Variants in PTPRO observed in about 807,000 individuals in gnomAD.
PTPRO encodes receptor-type tyrosine-protein phosphatase O.
A neutral mutation model predicts 145.2 loss-of-function variants in PTPRO; 62 were observed. The ratio of observed to expected loss-of-function variants is 0.43; its 90% CI spans 0.35 to 0.53. The LOEUF (loss-of-function observed/expected upper bound fraction) is 0.53, where lower values mean the gene tolerates loss of function less well. PTPRO is among the 20% of genes least tolerant of loss of function. The probability of loss-of-function intolerance (pLI) is 0.01; values close to 1 mark genes in which losing one functional copy is unlikely to be tolerated. For missense variants in PTPRO, 1,345 were observed against 1,482.7 expected, an observed-to-expected ratio of 0.91 and a Z score of 1.53; for synonymous variants, 565 against 514.7, an observed-to-expected ratio of 1.10 and a Z score of -1.32.
In PTPRO at chr12:15,492,622, T is replaced by G. The variant is rs80198008; in HGVS notation, c.350-4623T>G. ...AAATTTTTATAAATGAAAACATAAT[T>G]ATTTAAATTAATTTAAAATTTAATG... On this transcript the variant is annotated intron_variant, in intron 2 of 26. Coordinates refer to ENST00000281171, the MANE Select transcript of PTPRO (RefSeq NM_030667.3). Among the ~76,000 whole-genome samples, 516 of 152,208 alleles carry G rather than the reference T, an allele frequency of 3.4e-3. 10 individuals carry two copies. The East Asian group carries it at 0.067, about 20-fold the overall frequency.
At chr12:15,387,631 G>A (rs1939066265) in intron 1 of PTPRO, among the ~76,000 whole-genome samples, 1 of 152,140 alleles carries the variant, frequency 6.6e-6, no homozygotes, top group African/African-American at 2.4e-5. Flanking sequence ...CCACTAGACT[G>A]TAAATTCACT....
intron 24 of PTPRO, among the ~76,000 whole-genome samples, chr12:15,589,142 G>T (rs1012538044): frequency 9.8e-5 from 15 of 152,302 alleles, no homozygotes; most frequent in African/African-American, 3.4e-4. Context: ...TCAGGAGGCC[G>T]AGGTGGGAAG....
chr12:15,584,270 G>A lies in PTPRO; in HGVS notation c.3255+2469G>A, dbSNP rs116530744. Among the ~76,000 whole-genome samples, 785 of 152,298 alleles carry A rather than the reference G, an allele frequency of 5.2e-3. 7 individuals are homozygous for A. Among genetic ancestry groups the A allele is most frequent in the African/African-American group, 0.018 (736 of 41,566 alleles). On this transcript the variant is annotated intron_variant, in intron 23 of 26. Coordinates refer to ENST00000281171, the MANE Select transcript of PTPRO (RefSeq NM_030667.3). ...CTTGTAAAGCATCAATAGACTTTCC[G>A]TCAGAGAAAATATTTGTCAATCCAA...
intron 2 of PTPRO, among the ~76,000 whole-genome samples, chr12:15,493,567 C>A (rs1042916737): frequency 3.3e-5 from 5 of 152,016 alleles, no homozygotes; most frequent in Non-Finnish European, 5.9e-5. Context: ...CATTAATCTC[C>A]ATGAGCAGGA....
intron 1 of PTPRO, among the ~76,000 whole-genome samples, chr12:15,434,188 G>T (rs1940531642): frequency 6.6e-6 from 1 of 152,174 alleles, no homozygotes; most frequent in African/African-American, 2.4e-5. Context: ...TAGCACTACT[G>T]AATAACACTT....
Position 15,398,553 on chromosome 12 carries a change from C to G in PTPRO, c.75+75752C>G, listed in dbSNP as rs181364082. Among the ~76,000 whole-genome samples, 6 of 151,956 alleles carry G rather than the reference C, an allele frequency of 3.9e-5. No homozygotes were observed. In the East Asian group the frequency reaches 9.7e-4, roughly 24 times the overall value. On this transcript the variant is annotated intron_variant, in intron 1 of 26. Transcript: ENST00000281171. ...ATTTTTACTATATGAACAATAACGCCTACCACAGAGTGTTTTGAGAATCAA... is the reference window on the plus strand; with the variant it reads ...ATTTTTACTATATGAACAATAACGCGTACCACAGAGTGTTTTGAGAATCAA...
intron 1 of PTPRO, among the ~76,000 whole-genome samples, chr12:15,383,862 T>C (rs7299930): frequency 0.049 from 7,455 of 152,236 alleles, 570 homozygotes; most frequent in African/African-American, 0.17. Context: ...CTCTATAGAA[T>C]GTAAATTTCC....
At chr12:15,349,306 G>A (rs541515498) in intron 1 of PTPRO, among the ~76,000 whole-genome samples, 15 of 152,174 alleles carry the variant, frequency 9.9e-5, no homozygotes, top group Non-Finnish European at 2.1e-4. Context: ...AGCTAAGAAG[G>A]AGTGCAATTG....
At chr12:15,341,686 G>T (rs115508733) in intron 1 of PTPRO, among the ~76,000 whole-genome samples, 1,977 of 152,286 alleles carry the variant, frequency 0.013, 43 homozygotes, top group African/African-American at 0.045. Context: ...TGGCTGGGAA[G>T]AATTCTTGAA....
rs749433233 is a variant in PTPRO, at chr12:15,322,810, G to A, written c.75+9G>A. The A allele has an allele frequency of 3.1e-6, 5 of 1,610,880 alleles. No individual in the cohort carries two copies. The highest frequency in any genetic ancestry group is 1.1e-5 in the South Asian group (1 of 90,840). On this transcript the variant is annotated intron_variant, in intron 1 of 26. Transcript: ENST00000281171. The surrounding 1 kb of genome is among the most constrained non-coding windows in gnomAD (Gnocchi z 6.3). ...TCTTTGTGCTGTTCAAGGTAGGGGA[G>A]CTCCTCCACCCCTTTTTCCCAGCGG...
At chr12:15,426,739 C>A (rs1487441221) in intron 1 of PTPRO, among the ~76,000 whole-genome samples, 1 of 151,968 alleles carries the variant, frequency 6.6e-6, no homozygotes, top group Non-Finnish European at 1.5e-5. Context: ...ACCCAAATTT[C>A]ACCTAAATGT....
chr12:15,566,552 G>A (rs368371892), intron 18 of PTPRO, among the ~76,000 whole-genome samples: 11 of 150,742 alleles, frequency 7.3e-5, no homozygotes, highest in South Asian at 2.1e-4. Context: ...ATGAAGTCTC[G>A]CTCTGTCACC....
At chr12:15,466,317 A>G (rs1415922242) in intron 1 of PTPRO, among the ~76,000 whole-genome samples, 1 of 152,186 alleles carries the variant, frequency 6.6e-6, no homozygotes, top group African/African-American at 2.4e-5. Context: ...AGAAGTAATC[A>G]TTCTGATTCA....
At chr12:15,595,323 C>G (rs1189473267) in intron 26 of PTPRO, 1 of 425,592 alleles carries the variant, frequency 2.3e-6, no homozygotes, top group Non-Finnish European at 4.4e-6. Context: ...TTCCCTCTAC[C>G]CAGAACCCTA....
chr12:15,551,707 T>C (rs1171439469), intron 15 of PTPRO, 36 bp downstream of exon 15: 1 of 1,603,028 alleles, frequency 6.2e-7, no homozygotes, highest in Admixed American at 1.7e-5. Context: ...ATCCGGAATC[T>C]TTAAAATATC....
chr12:15,349,449 G>A (rs1937717969), intron 1 of PTPRO, among the ~76,000 whole-genome samples: 1 of 152,184 alleles, frequency 6.6e-6, no homozygotes, highest in Non-Finnish European at 1.5e-5. Flanking sequence ...TGGAAGAGGG[G>A]CAACACTGTA....
chr12:15,475,142 A>G (rs892803849), intron 1 of PTPRO, among the ~76,000 whole-genome samples: 1 of 152,218 alleles, frequency 6.6e-6, no homozygotes, highest in Non-Finnish European at 1.5e-5. Context: ...TTTCTTAAAC[A>G]CTTTACAAAA....
chr12:15,521,094 A>C (rs1160034463), intron 10 of PTPRO, among the ~76,000 whole-genome samples: 11 of 152,178 alleles, frequency 7.2e-5, no homozygotes, highest in Admixed American at 7.2e-4. Flanking sequence ...CGTTTCAAGA[A>C]CCTTTTATCG....
At chr12:15,353,346 TATG>T (rs1937874383) in intron 1 of PTPRO, among the ~76,000 whole-genome samples, 2 of 152,198 alleles carry the variant, frequency 1.3e-5, no homozygotes, top group Admixed American at 6.5e-5. Context: ...TATTATAAAT[TATG>T]ATACCAGCCA....
Sources: gnomAD v4.1 joint callset for allele counts (sites outside exome capture counted in the v4.1 genomes callset) on GRCh38, gnomAD v4.1.1 for gene constraint, Gnocchi (gnomAD v3.1) non-coding constraint, MANE v1.5 for transcripts, NCBI Gene and HGNC (gene_info 2026-07-23, HGNC 2026-07-21) for gene names.